USP13: variants seen among roughly 807,000 people sequenced by gnomAD.
USP13 encodes the protein ubiquitin carboxyl-terminal hydrolase 13.
Under a neutral mutation model 107.8 loss-of-function variants are expected in USP13, and 68 were observed. That is an observed-to-expected ratio of 0.63 (90% CI 0.52 to 0.77). USP13 has a LOEUF of 0.77. Ranked by LOEUF, USP13 falls within the 30% of genes least tolerant of loss-of-function variation. The pLI is 0.00. For synonymous variants in USP13, 377 were observed against 389.5 expected (o/e 0.97, Z 0.38); for missense variants, 945 against 1,093.3 (o/e 0.86, Z 1.91).
chr3:179,732,198 G>T (rs755397396), intron 10 of USP13, among the ~76,000 whole-genome samples: 6 of 152,172 alleles, frequency 3.9e-5, no homozygotes, highest in Non-Finnish European at 8.8e-5. Flanking sequence ...TCCACCAGAG[G>T]CTGGAAGGCT....
At chr3:179,728,643 G>T (rs1713665855) in intron 8 of USP13, among the ~76,000 whole-genome samples, 1 of 152,104 alleles carries the variant, frequency 6.6e-6, no homozygotes. Context: ...CTGAGAGGTG[G>T]ATGTTGTAGC....
chr3:179,715,662 C>T (rs751335068), intron 6 of USP13, among the ~76,000 whole-genome samples: 2 of 152,034 alleles, frequency 1.3e-5, no homozygotes, highest in Admixed American at 1.3e-4. Flanking sequence ...TGTGCCCGGC[C>T]TTGTGTTTAT....
chr3:179,673,227 G>A (rs571299506), intron 1 of USP13, among the ~76,000 whole-genome samples: 48 of 152,300 alleles, frequency 3.2e-4, no homozygotes, highest in African/African-American at 1.1e-3. Flanking sequence ...GCTGTATTAT[G>A]ATGCATTTTA....
intron 19 of USP13, among the ~76,000 whole-genome samples, chr3:179,775,180 G>C (rs1236124782): frequency 6.6e-6 from 1 of 151,718 alleles, no homozygotes; most frequent in Non-Finnish European, 1.5e-5. Context: ...GTGCTGATTG[G>C]TGCATTTACA....
rs1553797370 is a variant in USP13 at position 179,750,326 on chromosome 3, G to GTGTGTATA, written c.1710-1958_1710-1957insGTGTATAT. ...TGTGTATATATATATATATATGTGTGTATATATATATATATATATGTATAT... is the reference window on the plus strand; with the variant it reads ...TGTGTATATATATATATATATGTGTGTGTGTATATATATATATATATATATATGTATAT... On this transcript the variant is annotated intron_variant, in intron 13 of 20. Coordinates refer to ENST00000263966, the MANE Select transcript of USP13 (RefSeq NM_003940.3). Among the ~76,000 whole-genome samples the GTGTGTATA allele has an allele frequency of 7.8e-3, 588 of 75,810 alleles. 5 individuals carry two copies. Among genetic ancestry groups the GTGTGTATA allele is most frequent in the African/African-American group, 0.022 (565 of 25,700 alleles). The allele number at this position is 75,810 out of a possible 152,430, so 49.7% of individuals were successfully genotyped here.
rs1715097472 is a variant in USP13, at chr3:179,764,140, A to G, written c.2231A>G (p.Asn744Ser). 7 of 1,613,848 alleles carry G rather than the reference A, an allele frequency of 4.3e-6. No homozygotes were observed. Among genetic ancestry groups the G allele is most frequent in the Non-Finnish European group, 5.9e-6 (7 of 1,179,980 alleles). ...ATCACCTCCATGGGATTTCAGCGAAATCAGGCTATTCAGGCACTACGAGCA... is the reference window on the plus strand; with the variant it reads ...ATCACCTCCATGGGATTTCAGCGAAGTCAGGCTATTCAGGCACTACGAGCA... ...AIITSMGFQRNQAIQALRATN... is the reference protein window; with the variant it reads ...AIITSMGFQRSQAIQALRATN... The change falls in exon 18 of 21, where the codon AAT becomes AGT. Residue 744 changes from asparagine to serine, a missense_variant. Physicochemically the swap from Asn to Ser is conservative, Grantham distance 46 (BLOSUM62 1). Coordinates refer to ENST00000263966, the MANE Select transcript of USP13 (RefSeq NM_003940.3).
chr3:179,711,694 G>A (rs1197597005), intron 6 of USP13, among the ~76,000 whole-genome samples: 3 of 152,082 alleles, frequency 2.0e-5, no homozygotes, highest in African/African-American at 7.2e-5. Context: ...AGTCTTCTGG[G>A]ACAATAACAT....
chr3:179,691,107 T>C (rs1241655328), intron 3 of USP13, among the ~76,000 whole-genome samples: 1 of 151,060 alleles, frequency 6.6e-6, no homozygotes, highest in Admixed American at 6.6e-5. Context: ...AAGTTGAGGC[T>C]GTAGTGAGCT....
intron 19 of USP13, among the ~76,000 whole-genome samples, chr3:179,780,868 A>G (rs868128267): frequency 2.0e-5 from 3 of 152,226 alleles, no homozygotes; most frequent in Admixed American, 6.5e-5. Flanking sequence ...ATCAATATGC[A>G]AGCCCATTTT....
intron 1 of USP13, among the ~76,000 whole-genome samples, chr3:179,681,026 C>T (rs1397940449): frequency 1.3e-5 from 2 of 152,156 alleles, no homozygotes; most frequent in Non-Finnish European, 2.9e-5. Flanking sequence ...TTCTATCTTT[C>T]TCTTCCTTTG....
chr3:179,752,153 TG>T (rs1198848277), intron 13 of USP13, 131 bp from the exon 14 acceptor site: 3 of 715,364 alleles, frequency 4.2e-6, no homozygotes, highest in Non-Finnish European at 7.3e-6. Context: ...TGTCTGTGTT[TG>T]CATGTTCCTC....
chr3:179,724,914 T>C (rs1362598407), intron 8 of USP13, among the ~76,000 whole-genome samples: 1 of 152,204 alleles, frequency 6.6e-6, no homozygotes, highest in African/African-American at 2.4e-5. Context: ...AAGTGAACTT[T>C]TCTGACATGA....
chr3:179,778,609 C>CA (rs1715627538), intron 19 of USP13, among the ~76,000 whole-genome samples: 1 of 151,906 alleles, frequency 6.6e-6, no homozygotes, highest in Non-Finnish European at 1.5e-5. Context: ...ACTAAAAATG[C>CA]AAAAAAATTA....
chr3:179,718,843 G>A (rs1292576832), intron 6 of USP13, among the ~76,000 whole-genome samples: 7 of 151,814 alleles, frequency 4.6e-5, no homozygotes, highest in Non-Finnish European at 5.9e-5. Flanking sequence ...TGCAAGCTTC[G>A]CCTCCTGGGT....
intron 19 of USP13, among the ~76,000 whole-genome samples, chr3:179,767,893 G>A (rs1715228561): frequency 6.6e-6 from 1 of 152,138 alleles, no homozygotes; most frequent in South Asian, 2.1e-4. Flanking sequence ...GAGACGGTGG[G>A]AGGGAACTGT....
chr3:179,675,040 T>C (rs1288653978), intron 1 of USP13, among the ~76,000 whole-genome samples: 1 of 152,000 alleles, frequency 6.6e-6, no homozygotes, highest in Non-Finnish European at 1.5e-5. Context: ...CCAGGCATGG[T>C]GGCGGGCGCC....
At chr3:179,701,514 C>T (rs1369423743) in intron 4 of USP13, among the ~76,000 whole-genome samples, 1 of 152,152 alleles carries the variant, frequency 6.6e-6, no homozygotes, top group Non-Finnish European at 1.5e-5. Context: ...AGAAGGATAA[C>T]AGTCTTTTTA....
intron 3 of USP13, among the ~76,000 whole-genome samples, chr3:179,700,758 G>A (rs2108474103): frequency 6.6e-6 from 1 of 152,290 alleles, no homozygotes; most frequent in South Asian, 2.1e-4. Context: ...TATTTTAACT[G>A]TAAAGCTTTA....
At chr3:179,668,555 T>C (rs1239827281) in intron 1 of USP13, among the ~76,000 whole-genome samples, 1 of 152,182 alleles carries the variant, frequency 6.6e-6, no homozygotes, top group Admixed American at 6.5e-5. Flanking sequence ...TTTCTTTCTT[T>C]CTCTGTTTAT....
Sources: gnomAD v4.1 joint callset for allele counts (sites outside exome capture counted in the v4.1 genomes callset) on GRCh38, gnomAD v4.1.1 for gene constraint, MANE v1.5 for transcripts, NCBI Gene and HGNC (gene_info 2026-07-23, HGNC 2026-07-21) for gene names.